Variants in ZMAT4 observed in about 807,000 individuals in gnomAD.
The protein encoded by ZMAT4 is zinc finger matrin-type 4, also known as zinc finger matrin-type protein 4.
In ZMAT4, 17 loss-of-function variants were observed where a neutral mutation model predicts 28.7. The ratio of observed to expected loss-of-function variants is 0.59; its 90% CI spans 0.41 to 0.89. The LOEUF is 0.89. Ranked by LOEUF, ZMAT4 falls within the 40% of genes least tolerant of loss-of-function variation. The probability of loss-of-function intolerance (pLI) is 0.00; values close to 1 mark genes in which losing one functional copy is unlikely to be tolerated. For missense variants in ZMAT4, 240 were observed against 283.8 expected (o/e 0.85, Z 1.11); for synonymous variants, 117 against 109.2 (o/e 1.07, Z -0.44).
intron 3 of ZMAT4, among the ~76,000 whole-genome samples, chr8:40,716,105 A>G (rs892733765): frequency 6.6e-6 from 1 of 152,226 alleles, no homozygotes; most frequent in Non-Finnish European, 1.5e-5. Context: ...TAAAGAAAAG[A>G]TATAACTTTA....
intron 3 of ZMAT4, among the ~76,000 whole-genome samples, chr8:40,732,834 C>CTTTTTTTTTTTTTTTT (rs11461186): frequency 3.0e-5 from 2 of 67,022 alleles, no homozygotes; most frequent in African/African-American, 1.1e-4. Flanking sequence ...GCAAGACCTC[C>CTTTTTTTTTTTTTTTT]TTTTTTTTTT....
Position 40,536,940 on chromosome 8 carries a change from A to G in ZMAT4, c.675-4702T>C, listed in dbSNP as rs1802866579. ...AGAGAAGAGAAAGAGAATATGAGAGAAGGGGAAGAGGCCTAGAGAGAATAG... is the reference window on the plus strand; with the variant it reads ...AGAGAAGAGAAAGAGAATATGAGAGGAGGGGAAGAGGCCTAGAGAGAATAG... On this transcript the variant is annotated intron_variant, in intron 6 of 6. Coordinates refer to ENST00000297737, the MANE Select transcript of ZMAT4 (RefSeq NM_024645.3). 2.6e-5 allele frequency among the ~76,000 whole-genome samples: 4 copies of G among 152,102 alleles called. No homozygotes were observed. The South Asian group carries it at 8.3e-4, about 32-fold the overall frequency.
intron 1 of ZMAT4, among the ~76,000 whole-genome samples, chr8:40,827,018 G>C (rs980398902): frequency 6.6e-6 from 1 of 152,168 alleles, no homozygotes; most frequent in Non-Finnish European, 1.5e-5. Context: ...CAATATGGTA[G>C]GCACTTTGGA....
intron 5 of ZMAT4, among the ~76,000 whole-genome samples, chr8:40,593,387 T>C (rs771633946): frequency 5.3e-5 from 8 of 152,168 alleles, no homozygotes; most frequent in Non-Finnish European, 8.8e-5. Flanking sequence ...CAGGGCACAA[T>C]GAACAAGTCT....
At chr8:40,641,867 A>T (rs1807046133) in intron 5 of ZMAT4, among the ~76,000 whole-genome samples, 1 of 152,116 alleles carries the variant, frequency 6.6e-6, no homozygotes, top group Non-Finnish European at 1.5e-5. Context: ...TTTTTAAATG[A>T]CTTTACAAAT....
At chr8:40,850,485 GT>G (rs1229502058) in intron 1 of ZMAT4, among the ~76,000 whole-genome samples, 1 of 152,134 alleles carries the variant, frequency 6.6e-6, no homozygotes, top group Non-Finnish European at 1.5e-5. Context: ...GAAAGTCTCT[GT>G]TTATGTGTTT....
intron 5 of ZMAT4, among the ~76,000 whole-genome samples, chr8:40,645,675 A>T (rs912040661): frequency 3.9e-5 from 6 of 152,160 alleles, no homozygotes; most frequent in African/African-American, 1.4e-4. Context: ...TCAAGTTTGG[A>T]TGTAACATCT....
chr8:40,857,926 T>C (rs1315017939), intron 1 of ZMAT4, among the ~76,000 whole-genome samples: 1 of 152,212 alleles, frequency 6.6e-6, no homozygotes, highest in Non-Finnish European at 1.5e-5. Context: ...ATGTGCATAC[T>C]GTATGATCCA....
chr8:40,870,143 C>G (rs1463810471), intron 1 of ZMAT4, among the ~76,000 whole-genome samples: 1 of 152,174 alleles, frequency 6.6e-6, no homozygotes, highest in East Asian at 1.9e-4. Flanking sequence ...GTGAATGTAT[C>G]TGTACCAGGA....
At position 40,849,904 on chromosome 8, in the gene ZMAT4, G is replaced by A. The variant is rs573004316; in HGVS notation, c.-4-24224C>T. The stretch of plus-strand genomic sequence containing the variant: ...ATGCCATCAGCAAGTGTGCTGCCCC[G>A]GAGGCTTCCCCACCTAGTACCTGGC... On this transcript the variant is annotated intron_variant, in intron 1 of 6. Coordinates refer to ENST00000297737, the MANE Select transcript of ZMAT4 (RefSeq NM_024645.3). Among the ~76,000 whole-genome samples, 154 of 152,188 alleles carry A rather than the reference G, an allele frequency of 1.0e-3. 1 individual carries two copies. Among genetic ancestry groups the A allele is most frequent in the African/African-American group, 3.5e-3 (147 of 41,540 alleles).
intron 1 of ZMAT4, among the ~76,000 whole-genome samples, chr8:40,869,251 C>T (rs992392963): frequency 2.6e-5 from 4 of 152,176 alleles, no homozygotes; most frequent in Non-Finnish European, 5.9e-5. Flanking sequence ...AACTTTACAC[C>T]ACCTCGAGTC....
chr8:40,672,207 T>G (rs1014978534), intron 5 of ZMAT4, among the ~76,000 whole-genome samples: 25 of 152,338 alleles, frequency 1.6e-4, no homozygotes, highest in Admixed American at 1.6e-3. Flanking sequence ...TTCAGCTGCC[T>G]GATACCATTT....
At chr8:40,761,744 A>C (rs1586010637) in intron 3 of ZMAT4, among the ~76,000 whole-genome samples, 1 of 152,332 alleles carries the variant, frequency 6.6e-6, no homozygotes, top group Admixed American at 6.5e-5. Flanking sequence ...AAGGGCCCAT[A>C]GATCAGGAGA....
intron 6 of ZMAT4, among the ~76,000 whole-genome samples, chr8:40,543,575 C>A (rs1486993445): frequency 1.3e-5 from 2 of 152,140 alleles, no homozygotes; most frequent in Admixed American, 1.3e-4. Flanking sequence ...TGCCACTCAG[C>A]ACCGTCTAAA....
chr8:40,780,169 T>C lies in ZMAT4; in HGVS notation c.103-12439A>G, dbSNP rs545539489. 1.0e-3 allele frequency among the ~76,000 whole-genome samples: 155 copies of C among 152,252 alleles called. 1 individual carries two copies. The Middle Eastern group carries it at 0.01, about 10-fold the overall frequency. The stretch of plus-strand genomic sequence containing the variant: ...CCCATAAGCCTGCGGTAAACTGAAA[T>C]TGAAATGCATCACCTAAATCGAAAT... On this transcript the variant is annotated intron_variant, in intron 2 of 6. Transcript: ENST00000297737.
At chr8:40,654,121 C>T (rs1355514589) in intron 5 of ZMAT4, among the ~76,000 whole-genome samples, 1 of 152,182 alleles carries the variant, frequency 6.6e-6, no homozygotes, top group African/African-American at 2.4e-5. Flanking sequence ...TGAAACTGTG[C>T]TCAACATCTG....
intron 3 of ZMAT4, among the ~76,000 whole-genome samples, chr8:40,703,155 C>G (rs1362153839): frequency 6.6e-6 from 1 of 152,178 alleles, no homozygotes; most frequent in Non-Finnish European, 1.5e-5. Flanking sequence ...AGTGGCTCAG[C>G]ATTTGCTAAT....
intron 4 of ZMAT4, among the ~76,000 whole-genome samples, chr8:40,689,349 C>T (rs775572961): frequency 1.3e-5 from 2 of 152,150 alleles, no homozygotes; most frequent in Non-Finnish European, 2.9e-5. Context: ...TGGCTGGGGC[C>T]GGTCTTCTCA....
chr8:40,656,668 G>A (rs1248025086), intron 5 of ZMAT4, among the ~76,000 whole-genome samples: 1 of 152,032 alleles, frequency 6.6e-6, no homozygotes, highest in Non-Finnish European at 1.5e-5. Context: ...CTAAATATCT[G>A]AAGTGAAGAA....
Sources: allele counts gnomAD v4.1 joint callset (sites outside exome capture counted in the v4.1 genomes callset), GRCh38; gene constraint gnomAD v4.1.1; transcripts MANE v1.5; gene names NCBI Gene and HGNC (gene_info 2026-07-23, HGNC 2026-07-21).